Variants in RGS22 observed in about 807,000 individuals in gnomAD.
The protein encoded by RGS22 is regulator of G protein signaling 22.
RGS22 carries 148 observed loss-of-function variants against 172.9 expected under a neutral mutation model. The observed-to-expected ratio is 0.86, with a 90% CI of 0.75 to 0.98. The LOEUF is 0.98. RGS22 is among the 50% of genes least tolerant of loss of function. RGS22 has a pLI of 0.00. For missense variants in RGS22, 1,347 were observed against 1,440.8 expected (o/e 0.93, Z 1.05); for synonymous variants, 458 against 480.2 (o/e 0.95, Z 0.60).
chr8:100,080,310 C>G lies in RGS22; in HGVS notation c.163G>C (p.Glu55Gln), dbSNP rs1174344775. 1 of 1,613,334 alleles carries G rather than the reference C, an allele frequency of 6.2e-7. No homozygotes were observed. The highest frequency in any genetic ancestry group is 1.3e-5 in the African/African-American group (1 of 74,876). ...AATTGTGGAGCATCATTAGCTACTT[C>G]AAAAACTCCATAATCTGCATTAAAT... is the stretch of plus-strand genomic sequence containing the variant. ...IRFNADYGVF[E>Q]VANDAPQFLE... The change falls in exon 4 of 28, where the codon GAA (glutamate) becomes CAA (glutamine). Residue 55 changes from glutamate (E) to glutamine (Q), a missense_variant. By Grantham distance (29) the Glu-to-Gln change is conservative. Coordinates refer to ENST00000360863, the MANE Select transcript of RGS22 (RefSeq NM_015668.5).
intron 9 of RGS22, among the ~76,000 whole-genome samples, chr8:100,057,376 C>T (rs551083698): frequency 2.4e-4 from 37 of 151,992 alleles, no homozygotes; most frequent in East Asian, 3.9e-4. Flanking sequence ...TGGGAAGGCA[C>T]GATGGTGTTT....
At chr8:99,964,256 C>A (rs1175161228) in intron 24 of RGS22, among the ~76,000 whole-genome samples, 1 of 152,038 alleles carries the variant, frequency 6.6e-6, no homozygotes, top group African/African-American at 2.4e-5. Flanking sequence ...AGTTTGAGAG[C>A]AGCCTGGGCA....
intron 11 of RGS22, among the ~76,000 whole-genome samples, chr8:100,045,813 T>C (rs1242900259): frequency 6.6e-6 from 1 of 151,592 alleles, no homozygotes; most frequent in Non-Finnish European, 1.5e-5. Flanking sequence ...CTTTCACTTG[T>C]TTCATCACCT....
In RGS22 at chr8:100,009,692, CT is replaced by C. The variant is rs985611433; in HGVS notation, c.2167-1124del. On this transcript the variant is annotated intron_variant, in intron 14 of 27. Coordinates refer to ENST00000360863, the MANE Select transcript of RGS22 (RefSeq NM_015668.5). ...TATTTCATATACTTAGAATTTGAAA[CT>C]GATAATATCTAGATCAACTCAGAAT... is the stretch of plus-strand genomic sequence containing the variant. 7.9e-5 allele frequency among the ~76,000 whole-genome samples: 12 copies of C among 152,220 alleles called. No individual in the cohort carries two copies. The East Asian group carries it at 2.1e-3, about 27-fold the overall frequency.
At chr8:100,104,814 A>G (rs549451644) in intron 2 of RGS22, among the ~76,000 whole-genome samples, 2 of 152,352 alleles carry the variant, frequency 1.3e-5, no homozygotes, top group South Asian at 4.1e-4. Flanking sequence ...TTGTCTGTGT[A>G]ACCTCAGGCA....
At chr8:100,035,857 G>A (rs1819395290) in intron 14 of RGS22, among the ~76,000 whole-genome samples, 1 of 152,032 alleles carries the variant, frequency 6.6e-6, no homozygotes, top group Admixed American at 6.6e-5. Context: ...CTATCACAAG[G>A]ACAGAAAACC....
At chr8:100,031,711 G>A (rs1818832792) in intron 14 of RGS22, among the ~76,000 whole-genome samples, 1 of 152,024 alleles carries the variant, frequency 6.6e-6, no homozygotes, top group Non-Finnish European at 1.5e-5. Context: ...TAACTTATCT[G>A]AAAGATTTCA....
At chr8:100,084,012 A>G (rs1214624519) in intron 3 of RGS22, among the ~76,000 whole-genome samples, 3 of 148,706 alleles carry the variant, frequency 2.0e-5, no homozygotes, top group Non-Finnish European at 4.5e-5. Flanking sequence ...TAATTTTTCT[A>G]TTTTTTAGTA....
intron 2 of RGS22, among the ~76,000 whole-genome samples, chr8:100,101,776 T>G (rs1178323177): frequency 6.6e-6 from 1 of 151,726 alleles, no homozygotes; most frequent in Non-Finnish European, 1.5e-5. Context: ...GTTCAAATAT[T>G]ATTTTGCAGA....
At chr8:99,987,720 C>T in intron 20 of RGS22, 101 bp from the exon 21 acceptor site, 1 of 741,646 alleles carries the variant, frequency 1.3e-6, no homozygotes, top group Non-Finnish European at 2.0e-6. Flanking sequence ...CCTGGCATGG[C>T]TATAATAGAA....
chr8:100,043,508 G>T (rs1402265402), intron 11 of RGS22, among the ~76,000 whole-genome samples: 1 of 152,188 alleles, frequency 6.6e-6, no homozygotes, highest in Non-Finnish European at 1.5e-5. Context: ...TGGGCACGGT[G>T]GCTCACGCCT....
intron 3 of RGS22, among the ~76,000 whole-genome samples, chr8:100,087,385 G>GAC (rs1312289782): frequency 6.6e-6 from 1 of 152,076 alleles, no homozygotes; most frequent in East Asian, 1.9e-4. Flanking sequence ...ACCTGAAGGT[G>GAC]GTGAAAGCTA....
At chr8:100,093,003 C>T (rs1174554977) in intron 3 of RGS22, among the ~76,000 whole-genome samples, 1 of 152,170 alleles carries the variant, frequency 6.6e-6, no homozygotes, top group Non-Finnish European at 1.5e-5. Context: ...CTTATTATCT[C>T]TGTCAAAAGT....
intron 3 of RGS22, 27 bp from the exon 4 acceptor site, chr8:100,080,382 A>AAC: frequency 6.6e-7 from 1 of 1,523,304 alleles, no homozygotes; most frequent in Admixed American, 2.0e-5. Flanking sequence ...TGGAAATTAA[A>AAC]ACATTTTTTA....
In RGS22 at chr8:100,055,338, C is replaced by T. The variant is rs530108142; in HGVS notation, c.1515-2362G>A. On this transcript the variant is annotated intron_variant, in intron 9 of 27. Coordinates refer to ENST00000360863, the MANE Select transcript of RGS22 (RefSeq NM_015668.5). ...GAAAGTAAGGGAAGAGAACAAAAGT[C>T]TCCACTTGGGGTCCAGAGGATTCTC... Among the ~76,000 whole-genome samples, 3 of 152,320 alleles carry T rather than the reference C, an allele frequency of 2.0e-5. No individual in the cohort carries two copies. In the South Asian group the frequency reaches 6.2e-4, roughly 32 times the overall value.
In RGS22 at chr8:99,994,199, C is replaced by T. The variant is rs374657553; in HGVS notation, c.3018+2263G>A. ...AACTGGAAGCATTCCCTTTGAAAAT[C>T]GGCACAAGACAAGGATGCCCTCTCT... On this transcript the variant is annotated intron_variant, in intron 20 of 27. Transcript: ENST00000360863. Among the ~76,000 whole-genome samples the T allele has an allele frequency of 1.6e-4, 24 of 152,162 alleles. No homozygotes were observed. In the East Asian group the frequency reaches 1.9e-3, roughly 12 times the overall value.
intron 14 of RGS22, among the ~76,000 whole-genome samples, chr8:100,027,111 A>G (rs1047469229): frequency 6.6e-6 from 1 of 152,044 alleles, no homozygotes; most frequent in Admixed American, 6.6e-5. Context: ...TTCAGCTACT[A>G]GGGGAATCAT....
At chr8:100,002,475 T>C (rs982763514) in intron 17 of RGS22, 111 bp from the exon 18 acceptor site, 63 of 948,276 alleles carry the variant, frequency 6.6e-5, no homozygotes, top group Non-Finnish European at 8.9e-5. Flanking sequence ...TCTTGACTAG[T>C]AGCATTAGAT....
At chr8:100,101,923 A>T (rs1270830804) in intron 2 of RGS22, among the ~76,000 whole-genome samples, 1 of 152,102 alleles carries the variant, frequency 6.6e-6, no homozygotes, top group Non-Finnish European at 1.5e-5. Context: ...TCATGTAATC[A>T]AAAGCAGTTG....
Sources: gnomAD v4.1 joint callset for allele counts (sites outside exome capture counted in the v4.1 genomes callset) on GRCh38, gnomAD v4.1.1 for gene constraint, MANE v1.5 for transcripts, NCBI Gene and HGNC (gene_info 2026-07-23, HGNC 2026-07-21) for gene names.